The following MBD5 variants were observed in gnomAD, a reference collection of about 807,000 sequenced individuals.
The protein encoded by MBD5 is methyl-CpG binding domain protein 5.
A neutral mutation model predicts 117.3 loss-of-function variants in MBD5; 13 were observed. The observed-to-expected ratio is 0.11, with a 90% CI of 0.07 to 0.18. MBD5 has a LOEUF of 0.18. Among genes scored for constraint, MBD5 ranks in the 10% least tolerant of loss-of-function variants. The pLI, the probability that MBD5 is intolerant of heterozygous loss-of-function variation, is 1.00. For missense variants in MBD5, 1,879 were observed against 2,093.8 expected, an observed-to-expected ratio of 0.90 and a Z score of 2.00; for synonymous variants, 727 against 766.4, an observed-to-expected ratio of 0.95 and a Z score of 0.85.
At chr2:148,200,075 T>C (rs1436762755) in intron 2 of MBD5, among the ~76,000 whole-genome samples, 1 of 152,196 alleles carries the variant, frequency 6.6e-6, no homozygotes, top group Non-Finnish European at 1.5e-5. Flanking sequence ...ATTTTGACTA[T>C]ATTGATAGTT....
intron 12 of MBD5, among the ~76,000 whole-genome samples, chr2:148,509,187 G>T (rs942516731): frequency 6.6e-6 from 1 of 152,244 alleles, no homozygotes; most frequent in African/African-American, 2.4e-5. Context: ...TAAATGAAAA[G>T]AATCACCTTA....
chr2:148,153,388 C>T (rs1157176795), intron 1 of MBD5, among the ~76,000 whole-genome samples: 3 of 150,712 alleles, frequency 2.0e-5, no homozygotes, highest in Non-Finnish European at 4.4e-5. Flanking sequence ...TCCTTCATTT[C>T]AACTTTGGTG....
intron 1 of MBD5, chr2:148,068,685 C>CT (rs1277464003): frequency 6.6e-6 from 1 of 152,044 alleles, no homozygotes; most frequent in Non-Finnish European, 1.5e-5. Context: ...TGATAGGTTC[C>CT]TTTTTTCTGT....
At chr2:148,450,392 T>C (rs957288578) in intron 4 of MBD5, among the ~76,000 whole-genome samples, 3 of 152,188 alleles carry the variant, frequency 2.0e-5, no homozygotes, top group Non-Finnish European at 4.4e-5. Context: ...GCTTTTTAAT[T>C]GTTTTTAGTA....
intron 4 of MBD5, among the ~76,000 whole-genome samples, chr2:148,430,030 A>G (rs967150499): frequency 6.6e-6 from 1 of 152,074 alleles, no homozygotes; most frequent in African/African-American, 2.4e-5. Context: ...AAATTTGCAA[A>G]CATATTGGTT....
At chr2:148,430,563 G>A (rs930081908) in intron 4 of MBD5, among the ~76,000 whole-genome samples, 3 of 151,834 alleles carry the variant, frequency 2.0e-5, no homozygotes, top group African/African-American at 7.3e-5. Context: ...ATCCATTTTT[G>A]AGAAATGTTT....
At chr2:148,080,138 A>T (rs949093440) in intron 1 of MBD5, among the ~76,000 whole-genome samples, 5 of 152,202 alleles carry the variant, frequency 3.3e-5, no homozygotes, top group African/African-American at 7.2e-5. Flanking sequence ...GGTGAAGGTG[A>T]TGTTGGAAGG....
At chr2:148,235,010 C>T (rs1274249250) in intron 3 of MBD5, among the ~76,000 whole-genome samples, 1 of 152,052 alleles carries the variant, frequency 6.6e-6, no homozygotes, top group African/African-American at 2.4e-5. Flanking sequence ...CTCCAGAACC[C>T]CCTATGAATA....
chr2:148,321,919 A>C (rs1702293009), intron 3 of MBD5, among the ~76,000 whole-genome samples: 1 of 152,094 alleles, frequency 6.6e-6, no homozygotes, highest in Admixed American at 6.6e-5. Context: ...ACTCTCTTTG[A>C]ACCTTTCTCC....
chr2:148,449,931 G>A (rs1184322086), intron 4 of MBD5, among the ~76,000 whole-genome samples: 1 of 151,996 alleles, frequency 6.6e-6, no homozygotes, highest in Non-Finnish European at 1.5e-5. Context: ...AAAAGGCAAT[G>A]AGAAAGTATG....
chr2:148,058,658 T>C (rs1694941449), intron 1 of MBD5, among the ~76,000 whole-genome samples: 1 of 152,108 alleles, frequency 6.6e-6, no homozygotes, highest in African/African-American at 2.4e-5. Context: ...AAAGTTTGAT[T>C]CTATCTCCTA....
At chr2:148,121,361 G>T (rs1170144943) in intron 1 of MBD5, among the ~76,000 whole-genome samples, 2 of 151,672 alleles carry the variant, frequency 1.3e-5, no homozygotes. Flanking sequence ...ACAAAGGCAT[G>T]CCTAAAAAAA....
intron 4 of MBD5, among the ~76,000 whole-genome samples, chr2:148,450,635 C>T (rs1706699745): frequency 6.6e-6 from 1 of 152,072 alleles, no homozygotes; most frequent in African/African-American, 2.4e-5. Context: ...GAAACAAGAG[C>T]GAAAGTTATA....
intron 5 of MBD5, among the ~76,000 whole-genome samples, chr2:148,460,034 G>C (rs942405480): frequency 6.6e-5 from 10 of 152,136 alleles, no homozygotes; most frequent in African/African-American, 2.2e-4. Context: ...AGTTTCTATT[G>C]CCAGTGCTGT....
At chr2:148,227,328 A>G (rs989489799) in intron 2 of MBD5, among the ~76,000 whole-genome samples, 2 of 152,230 alleles carry the variant, frequency 1.3e-5, no homozygotes. Flanking sequence ...AGCTTTCTAC[A>G]TATGGCTAGC....
Position 148,287,465 on chromosome 2 carries a change from T to C in MBD5, c.-680+54070T>C, listed in dbSNP as rs186708270. On this transcript the variant is annotated intron_variant, in intron 3 of 13. Transcript: ENST00000642680. ...AGTGACGGATGTATCAGTCAGTTTT[T>C]TATGCTGATAGAACTTTTGATTCGG... is the stretch of plus-strand genomic sequence containing the variant. 7.2e-5 allele frequency among the ~76,000 whole-genome samples: 11 copies of C among 152,308 alleles called. No individual in the cohort carries two copies. The East Asian group carries it at 1.9e-3, about 27-fold the overall frequency.
Position 148,308,302 on chromosome 2 carries a change from G to A in MBD5, c.-679-33912G>A, listed in dbSNP as rs57821873. ...TTTCTCCACATCCTCTGCAGCATCC[G>A]TTGTTTCTTGACTTTTTAATGATTG... On this transcript the variant is annotated intron_variant, in intron 3 of 13. Coordinates refer to ENST00000642680, the MANE Select transcript of MBD5 (RefSeq NM_001378120.1). Among the ~76,000 whole-genome samples, 859 of 152,102 alleles carry A rather than the reference G, an allele frequency of 5.6e-3. 10 individuals carry two copies. The highest frequency in any genetic ancestry group is 0.02 in the African/African-American group (819 of 41,494).
At chr2:148,027,061 G>C (rs1385414656) in intron 1 of MBD5, 2 of 152,062 alleles carry the variant, frequency 1.3e-5, no homozygotes, top group East Asian at 3.9e-4. Context: ...CTGATCCAAT[G>C]AATATTTACT....
intron 1 of MBD5, among the ~76,000 whole-genome samples, chr2:148,135,940 C>A (rs981046019): frequency 1.6e-4 from 24 of 152,258 alleles, no homozygotes; most frequent in African/African-American, 5.8e-4. Flanking sequence ...TTCTGAACCC[C>A]AAGCCACAGC....
Sources: gnomAD v4.1 joint callset for allele counts (sites outside exome capture counted in the v4.1 genomes callset) on GRCh38, gnomAD v4.1.1 for gene constraint, MANE v1.5 for transcripts, NCBI Gene and HGNC (gene_info 2026-07-23, HGNC 2026-07-21) for gene names.